Variants in ZNF558 observed in about 807,000 individuals in gnomAD.
The protein encoded by ZNF558 is zinc finger protein 558.
ZNF558 carries 23 observed loss-of-function variants against 37.6 expected under a neutral mutation model. The ratio of observed to expected loss-of-function variants is 0.61; its 90% CI spans 0.44 to 0.87. The LOEUF is 0.87. Among genes scored for constraint, ZNF558 ranks in the 40% least tolerant of loss-of-function variants. The pLI is 0.00. For missense variants in ZNF558, 429 were observed against 483.7 expected (o/e 0.89, Z 1.06); for synonymous variants, 189 against 174.4 (o/e 1.08, Z -0.66).
At chr19:8,835,412 T>C (rs1446829149), upstream of ZNF558, among the ~76,000 whole-genome samples, 2 of 152,114 alleles carry the variant, frequency 1.3e-5, no homozygotes, top group Admixed American at 6.5e-5. Context: ...AAATGGCAAA[T>C]ATATACATGA....
intron 7 of ZNF558, among the ~76,000 whole-genome samples, chr19:8,815,439 T>C (rs1200014985): frequency 6.6e-6 from 1 of 151,998 alleles, no homozygotes; most frequent in Non-Finnish European, 1.5e-5. Context: ...GAAGACAAAA[T>C]TGGTGACCAT....
intron 2 of ZNF558, among the ~76,000 whole-genome samples, chr19:8,829,699 T>C (rs895355816): frequency 1.3e-5 from 2 of 152,234 alleles, no homozygotes; most frequent in Non-Finnish European, 2.9e-5. Context: ...CTGGATGCCC[T>C]GTGCCCTAGC....
rs371073077 is a variant in ZNF558, at chr19:8,821,355, C to T, written c.121-49G>A. The T allele has an allele frequency of 4.5e-5, 73 of 1,614,116 alleles. 1 individual carries two copies. Among genetic ancestry groups the T allele is most frequent in the South Asian group, 9.9e-5 (9 of 91,086 alleles). ...CTTAGCCAAGGACCACCCCCACCAA[C>T]GTGCACAGGAAGAGGGGCCAGGAGA... On this transcript the variant is annotated intron_variant, in intron 6 of 9. Transcript: ENST00000601372.
At chr19:8,812,441 A>G (rs250315) in intron 9 of ZNF558, 120 bp downstream of exon 9, 495,239 of 597,982 alleles carry the variant, frequency 0.83, 206,780 homozygotes, top group African/African-American at 0.96. Context: ...CCAGGAACAC[A>G]GCATTCTCAA....
intron 7 of ZNF558, among the ~76,000 whole-genome samples, chr19:8,813,692 G>GT (rs1390753320): frequency 8.5e-5 from 13 of 152,254 alleles, no homozygotes; most frequent in African/African-American, 2.9e-4. Flanking sequence ...AGTGCATATG[G>GT]TAACTCTCAC....
upstream of ZNF558, among the ~76,000 whole-genome samples, chr19:8,835,888 G>A (rs540392955): frequency 1.1e-4 from 17 of 152,032 alleles, no homozygotes; most frequent in East Asian, 5.8e-4. Context: ...AAAACATTAC[G>A]GTAAGTAAAA....
chr19:8,814,890 T>C (rs2043893335), intron 7 of ZNF558, among the ~76,000 whole-genome samples: 1 of 152,214 alleles, frequency 6.6e-6, no homozygotes, highest in Non-Finnish European at 1.5e-5. Context: ...GAGTTTACAA[T>C]ATATGATATT....
Position 8,811,432 on chromosome 19 carries a change from C to G in ZNF558, c.1058G>C (p.Cys353Ser). Reference protein sequence around the residue: ...TGEKPYECSDCGKAFNNLSAV... With the variant: ...TGEKPYECSDSGKAFNNLSAV... ...TGAGAGATTATTAAAGGCTTTTCCA[C>G]AGTCACTGCACTCGTAGGGTTTCTC... The change falls in exon 10 of 10, where the codon TGT becomes TCT. Residue 353 changes from cysteine (C) to serine (S), a missense_variant. By Grantham distance (112) the Cys-to-Ser change is moderately radical. Coordinates refer to ENST00000601372, the MANE Select transcript of ZNF558 (RefSeq NM_144693.3). 2 of 1,614,086 alleles carry G rather than the reference C, an allele frequency of 1.2e-6. No individual in the cohort carries two copies. The highest frequency in any genetic ancestry group is 3.3e-4 in the Middle Eastern group (2 of 6,060).
rs758307612 is a variant in ZNF558 at position 8,821,271 on chromosome 19, G to A, written c.156C>T (p.Phe52=). ...CCAGCAACGCCCACTCCTCCTGGGTGAACTCCACGGCCACATCCTCGAAGG... is the reference window on the plus strand; with the variant it reads ...CCAGCAACGCCCACTCCTCCTGGGTAAACTCCACGGCCACATCCTCGAAGG... The part of the protein sequence containing the change: ...LVTFEDVAVE[F]TQEEWALLDP... Residue 52 remains phenylalanine (F), a synonymous_variant, in exon 7 of 10, where the codon TTC becomes TTT. Coordinates refer to ENST00000601372, the MANE Select transcript of ZNF558 (RefSeq NM_144693.3). 6.2e-7 allele frequency: 1 copy of A among 1,614,196 alleles called. No homozygotes were observed. Among genetic ancestry groups the A allele is most frequent in the South Asian group, 1.1e-5 (1 of 91,080 alleles).
chr19:8,825,933 G>A (rs1397010059), intron 2 of ZNF558, among the ~76,000 whole-genome samples: 1 of 152,186 alleles, frequency 6.6e-6, no homozygotes, highest in Non-Finnish European at 1.5e-5. Context: ...TGCTGGGTGG[G>A]CCCACTGTGA....
chr19:8,817,158 T>C lies in ZNF558; in HGVS notation c.248-3936A>G, dbSNP rs140038736. ...AAATAGTTATAGAGCAAATAGTAAA[T>C]AGGCAGAAGTAGCTCCTTCCTTATC... On this transcript the variant is annotated intron_variant, in intron 7 of 9. Coordinates refer to ENST00000601372, the MANE Select transcript of ZNF558 (RefSeq NM_144693.3). Among the ~76,000 whole-genome samples, 348 of 152,222 alleles carry C rather than the reference T, an allele frequency of 2.3e-3. 4 individuals are homozygous for C. The highest frequency in any genetic ancestry group is 7.8e-3 in the African/African-American group (326 of 41,548).
At chr19:8,818,294 A>G (rs1476033885) in intron 7 of ZNF558, among the ~76,000 whole-genome samples, 1 of 152,112 alleles carries the variant, frequency 6.6e-6, no homozygotes, top group Non-Finnish European at 1.5e-5. Context: ...TCTACTAAAA[A>G]TACAAAAATT....
At chr19:8,836,654 G>A (rs984145586), upstream of ZNF558, among the ~76,000 whole-genome samples, 6 of 152,176 alleles carry the variant, frequency 3.9e-5, no homozygotes, top group East Asian at 1.9e-4. Context: ...ACCACGCCCA[G>A]CTAGTTTTTG....
chr19:8,821,980 G>T, intron 6 of ZNF558, 23 bp downstream of exon 6: 1 of 1,613,440 alleles, frequency 6.2e-7, no homozygotes, highest in Non-Finnish European at 8.5e-7. Flanking sequence ...ATAATGATTT[G>T]GGAAAAGGAA....
chr19:8,836,881 G>A (rs1028329863), upstream of ZNF558, among the ~76,000 whole-genome samples: 3 of 152,098 alleles, frequency 2.0e-5, no homozygotes, highest in Non-Finnish European at 2.9e-5. Context: ...TGACATGTGG[G>A]CTCATATCAT....
intron 2 of ZNF558, among the ~76,000 whole-genome samples, chr19:8,827,417 A>G (rs1231312758): frequency 2.0e-5 from 3 of 152,010 alleles, no homozygotes; most frequent in African/African-American, 7.3e-5. Context: ...AGTCCTTGTT[A>G]TCTGCATGCT....
rs1453462067 is a variant in ZNF558, at chr19:8,810,967, C to T, written c.*314G>A. 4 of 223,282 alleles carry T rather than the reference C, an allele frequency of 1.8e-5. No homozygotes were observed. The highest frequency in any genetic ancestry group is 1.1e-4 in the East Asian group (1 of 9,146). 13.8% of individuals were successfully genotyped at this position (223,282 alleles called of 1,614,324 possible). ...CAACAACCAACATCAACTTTCCAGG[C>T]ATGTGAATAAGTCATCTTGGAAGTG... On this transcript the variant is annotated 3_prime_UTR_variant, in exon 10 of 10. Coordinates refer to ENST00000601372, the MANE Select transcript of ZNF558 (RefSeq NM_144693.3).
In ZNF558 at chr19:8,812,059, C is replaced by T. The variant is rs2043807877; in HGVS notation, c.431G>A (p.Arg144Lys). The T allele has an allele frequency of 6.4e-7, 1 of 1,568,032 alleles. No individual in the cohort carries two copies. Among genetic ancestry groups the T allele is most frequent in the South Asian group, 1.2e-5 (1 of 82,810 alleles). ...ATTGAGTTTCACTCCACGATGACTT[C>T]TTTCCTGTGGATTAAGAGATGAATG... ...KEQSKGVKTE[R>K]SHRGVKLNEC... The change falls in exon 10 of 10, where the codon AGA becomes AAA. Residue 144 changes from arginine (R) to lysine (K), a missense_variant. Arg to Lys is a conservative substitution (Grantham distance 26, BLOSUM62 2). Transcript: ENST00000601372.
At chr19:8,827,502 CT>C in intron 2 of ZNF558, among the ~76,000 whole-genome samples, 1 of 151,142 alleles carries the variant, frequency 6.6e-6, no homozygotes, top group South Asian at 2.1e-4. Flanking sequence ...AGAACAGAGT[CT>C]GAAGTGAGGC....
Sources: gnomAD v4.1 joint callset for allele counts (sites outside exome capture counted in the v4.1 genomes callset) on GRCh38, gnomAD v4.1.1 for gene constraint, MANE v1.5 for transcripts, NCBI Gene and HGNC (gene_info 2026-07-23, HGNC 2026-07-21) for gene names.